The following LYZL4 variants were observed in gnomAD, a reference collection of about 807,000 sequenced individuals.
LYZL4 encodes lysozyme like 4, also known as lysozyme-like protein 4.
Under a neutral mutation model 17.6 loss-of-function variants are expected in LYZL4, and 13 were observed. The observed-to-expected ratio is 0.74, with a 90% CI of 0.48 to 1.18. The LOEUF (loss-of-function observed/expected upper bound fraction) is 1.18. LYZL4 is among the 50% of genes most tolerant of loss of function. The pLI is 0.00. For synonymous variants in LYZL4, 64 were observed against 67.7 expected (o/e 0.95, Z 0.27); for missense variants, 174 against 188.2 (o/e 0.92, Z 0.44).
At chr3:42,380,887 T>C in the LYZL4 span, among the ~76,000 whole-genome samples, 1 of 152,252 alleles carries the variant, frequency 6.6e-6, no homozygotes, top group Non-Finnish European at 1.5e-5. Flanking sequence ...CCCTGCTGCC[T>C]ACCAACTTTG....
At chr3:42,393,144 A>G (rs529416763), downstream of LYZL4, among the ~76,000 whole-genome samples, 1 of 152,294 alleles carries the variant, frequency 6.6e-6, no homozygotes, top group East Asian at 1.9e-4. Context: ...AGCAATGGGG[A>G]GCAGAGGCTG....
At chr3:42,397,606 G>A (rs576508195) in intron 4 of LYZL4, among the ~76,000 whole-genome samples, 1 of 152,234 alleles carries the variant, frequency 6.6e-6, no homozygotes, top group South Asian at 2.1e-4. Context: ...TGAGGAGGCT[G>A]AACTGTGAAC....
chr3:42,383,327 G>A, the LYZL4 span, among the ~76,000 whole-genome samples: 5 of 151,936 alleles, frequency 3.3e-5, no homozygotes, highest in Non-Finnish European at 7.4e-5. Context: ...CAGCCTAGGA[G>A]GGCAGAGTGA....
the LYZL4 span, among the ~76,000 whole-genome samples, chr3:42,375,573 G>A: frequency 3.3e-5 from 5 of 152,148 alleles, no homozygotes; most frequent in Admixed American, 6.5e-5. Context: ...TCTGCTCTTC[G>A]ACTGAAGACT....
At chr3:42,385,298 T>G in the LYZL4 span, among the ~76,000 whole-genome samples, 1 of 152,136 alleles carries the variant, frequency 6.6e-6, no homozygotes, top group Non-Finnish European at 1.5e-5. Context: ...TCCCATAAGA[T>G]TACAATACCA....
chr3:42,394,854 G>T (rs1192711729), downstream of LYZL4, among the ~76,000 whole-genome samples: 1 of 152,214 alleles, frequency 6.6e-6, no homozygotes, highest in Non-Finnish European at 1.5e-5. Flanking sequence ...CGCTGGATTT[G>T]GCACTCGAGG....
chr3:42,389,531 GGA>G, the LYZL4 span, among the ~76,000 whole-genome samples: 1 of 152,196 alleles, frequency 6.6e-6, no homozygotes, highest in Non-Finnish European at 1.5e-5. Context: ...AACCCTGATA[GGA>G]GAGTCACAGC....
chr3:42,403,443 T>G (rs1455577193), intron 4 of LYZL4, among the ~76,000 whole-genome samples: 1 of 152,044 alleles, frequency 6.6e-6, no homozygotes, highest in Non-Finnish European at 1.5e-5. Flanking sequence ...TTTATTTATT[T>G]ATTTATTTTT....
chr3:42,373,265 C>T, the LYZL4 span, among the ~76,000 whole-genome samples: 1 of 151,918 alleles, frequency 6.6e-6, no homozygotes, highest in Non-Finnish European at 1.5e-5. Flanking sequence ...GGAGCTGGTG[C>T]GGAGAGCCTG....
intron 1 of LYZL4, among the ~76,000 whole-genome samples, chr3:42,407,807 T>A (rs1296765878): frequency 6.6e-6 from 1 of 152,040 alleles, no homozygotes; most frequent in Non-Finnish European, 1.5e-5. Flanking sequence ...CCCAGTTGTG[T>A]CTTTGTCCTT....
downstream of LYZL4, among the ~76,000 whole-genome samples, chr3:42,395,233 G>A (rs938041874): frequency 6.6e-6 from 1 of 152,180 alleles, no homozygotes; most frequent in Non-Finnish European, 1.5e-5. Flanking sequence ...CAAAAAGAAA[G>A]GCTGAATTGA....
At chr3:42,388,710 A>G in the LYZL4 span, among the ~76,000 whole-genome samples, 2 of 152,248 alleles carry the variant, frequency 1.3e-5, no homozygotes, top group African/African-American at 4.8e-5. Flanking sequence ...CTTATTTTTA[A>G]TGAGTGTCTG....
downstream of LYZL4, among the ~76,000 whole-genome samples, chr3:42,393,873 C>T (rs1459006568): frequency 6.6e-6 from 1 of 152,124 alleles, no homozygotes; most frequent in Admixed American, 6.5e-5. Flanking sequence ...CTCACTGCAA[C>T]CTCCACCTCC....
At chr3:42,396,973 T>G (rs1698558684), downstream of LYZL4, 1 of 231,334 alleles carries the variant, frequency 4.3e-6, no homozygotes, top group Non-Finnish European at 8.5e-6. Flanking sequence ...TCAGATAATT[T>G]CCTTCCTTCA....
At chr3:42,363,739 G>A in the LYZL4 span, among the ~76,000 whole-genome samples, 1 of 152,182 alleles carries the variant, frequency 6.6e-6, no homozygotes, top group Admixed American at 6.5e-5. Context: ...GACAGAAAAA[G>A]CATCATTTCA....
the LYZL4 span, among the ~76,000 whole-genome samples, chr3:42,368,793 C>A: frequency 6.6e-6 from 1 of 152,242 alleles, no homozygotes; most frequent in East Asian, 1.9e-4. Context: ...ATTCACCCAT[C>A]TGTATATTAT....
downstream of LYZL4, among the ~76,000 whole-genome samples, chr3:42,394,455 A>T (rs188424562): frequency 3.9e-5 from 6 of 152,220 alleles, no homozygotes; most frequent in African/African-American, 1.2e-4. Flanking sequence ...CCTCAATTTC[A>T]CCATCTGTAA....
At chr3:42,408,405 C>A (rs1170827092) in intron 1 of LYZL4, among the ~76,000 whole-genome samples, 4 of 152,198 alleles carry the variant, frequency 2.6e-5, no homozygotes, top group Non-Finnish European at 4.4e-5. Context: ...ATGCATGGTT[C>A]TTCCCAATGC....
chr3:42,400,273 A>C (rs1698632508), intron 4 of LYZL4, among the ~76,000 whole-genome samples: 1 of 152,120 alleles, frequency 6.6e-6, no homozygotes, highest in African/African-American at 2.4e-5. Flanking sequence ...AGTACTGGAT[A>C]ACTGTCCTTT....
Sources: allele counts gnomAD v4.1 joint callset (sites outside exome capture counted in the v4.1 genomes callset), GRCh38; gene constraint gnomAD v4.1.1; transcripts MANE v1.5; gene names NCBI Gene and HGNC (gene_info 2026-07-23, HGNC 2026-07-21).